The following SORCS2 variants were observed in gnomAD, a reference collection of about 807,000 sequenced individuals.
The protein encoded by SORCS2 is sortilin related VPS10 domain containing receptor 2, also known as VPS10 domain-containing receptor SorCS2.
Under a neutral mutation model 141.6 loss-of-function variants are expected in SORCS2, and 100 were observed. The observed-to-expected ratio is 0.71, with a 90% CI of 0.60 to 0.83. The LOEUF (loss-of-function observed/expected upper bound fraction) is 0.83, where lower values mean the gene tolerates loss of function less well. Among genes scored for constraint, SORCS2 ranks in the 40% least tolerant of loss-of-function variants. SORCS2 has a pLI of 0.00. For missense variants in SORCS2, 1,646 were observed against 1,560.2 expected, an observed-to-expected ratio of 1.05 and a Z score of -0.93; for synonymous variants, 789 against 676.9, an observed-to-expected ratio of 1.17 and a Z score of -2.57.
chr4:7,213,645 C>G (rs1251422501), intron 1 of SORCS2, among the ~76,000 whole-genome samples: 1 of 152,188 alleles, frequency 6.6e-6, no homozygotes, highest in Non-Finnish European at 1.5e-5. Flanking sequence ...GGGAGCCTCG[C>G]TGGGGTCTCA....
At chr4:7,507,010 C>T (rs1732312765) in intron 2 of SORCS2, among the ~76,000 whole-genome samples, 2 of 152,284 alleles carry the variant, frequency 1.3e-5, no homozygotes, top group South Asian at 2.1e-4. Context: ...GCAGCTGTCA[C>T]AGGAACCCCT....
At chr4:7,287,525 A>G (rs957019338) in intron 1 of SORCS2, among the ~76,000 whole-genome samples, 13 of 152,226 alleles carry the variant, frequency 8.5e-5, no homozygotes, top group Non-Finnish European at 1.8e-4. Context: ...AGGAGCCCCT[A>G]CTTCATGGCC....
chr4:7,326,393 T>G (rs1202266754), intron 1 of SORCS2, among the ~76,000 whole-genome samples: 6 of 152,122 alleles, frequency 3.9e-5, no homozygotes, highest in Non-Finnish European at 7.4e-5. Flanking sequence ...CTCTTGGTTG[T>G]GAGACTGCAG....
chr4:7,632,341 C>T (rs1355467141), intron 3 of SORCS2, among the ~76,000 whole-genome samples: 1 of 152,190 alleles, frequency 6.6e-6, no homozygotes, highest in South Asian at 2.1e-4. Flanking sequence ...ATATGTCTCC[C>T]CCAGAATAGT....
intron 2 of SORCS2, among the ~76,000 whole-genome samples, chr4:7,457,599 G>C (rs1264166799): frequency 2.6e-5 from 4 of 152,048 alleles, no homozygotes; most frequent in Non-Finnish European, 4.4e-5. Context: ...GTTCACACCA[G>C]GGAGTGTGCC....
intron 18 of SORCS2, among the ~76,000 whole-genome samples, chr4:7,719,117 C>T (rs555697619): frequency 3.3e-5 from 5 of 152,334 alleles, no homozygotes; most frequent in South Asian, 2.1e-4. Flanking sequence ...CTTGGCTCTC[C>T]GGTGAACAGT....
chr4:7,250,243 AAAAGAAAG>A (rs34312209), intron 1 of SORCS2, among the ~76,000 whole-genome samples: 70 of 151,174 alleles, frequency 4.6e-4, no homozygotes, highest in Admixed American at 7.2e-4. Context: ...GCTCTGTCTA[AAAAGAAAG>A]AAAGAAAGAA....
intron 3 of SORCS2, among the ~76,000 whole-genome samples, chr4:7,541,352 G>T (rs1363014289): frequency 6.6e-6 from 1 of 152,250 alleles, no homozygotes; most frequent in Non-Finnish European, 1.5e-5. Flanking sequence ...ATCATGGGAA[G>T]CCTTGCTAAC....
chr4:7,576,636 A>C (rs959106584), intron 3 of SORCS2, among the ~76,000 whole-genome samples: 1 of 152,190 alleles, frequency 6.6e-6, no homozygotes, highest in African/African-American at 2.4e-5. Context: ...GTGGTGACAG[A>C]GGGACACATG....
chr4:7,725,363 C>T, intron 20 of SORCS2, 76 bp downstream of exon 20: 1 of 1,520,866 alleles, frequency 6.6e-7, no homozygotes, highest in Non-Finnish European at 8.8e-7. Flanking sequence ...CAGAGCATGG[C>T]CCCAGGTTTT....
intron 3 of SORCS2, among the ~76,000 whole-genome samples, chr4:7,628,492 C>G (rs542429690): frequency 2.6e-4 from 38 of 145,656 alleles, no homozygotes; most frequent in Non-Finnish European, 5.2e-4. Flanking sequence ...GCACTCCAGC[C>G]TGGGCAAAAG....
intron 2 of SORCS2, among the ~76,000 whole-genome samples, chr4:7,490,272 G>A (rs55771977): frequency 1.2e-3 from 186 of 152,244 alleles, no homozygotes; most frequent in Non-Finnish European, 1.8e-3. Flanking sequence ...CTTCTGACTC[G>A]GCCTGGGGGG....
At chr4:7,301,305 T>C (rs1486112431) in intron 1 of SORCS2, among the ~76,000 whole-genome samples, 1 of 152,116 alleles carries the variant, frequency 6.6e-6, no homozygotes, top group Non-Finnish European at 1.5e-5. Context: ...ACACTGCCAC[T>C]CTCATGGAGC....
At chr4:7,584,965 T>A (rs538652834) in intron 3 of SORCS2, among the ~76,000 whole-genome samples, 34 of 152,272 alleles carry the variant, frequency 2.2e-4, no homozygotes, top group African/African-American at 7.2e-4. Context: ...GCGGGTGATG[T>A]GAATCTCTTG....
Position 7,232,755 on chromosome 4 carries a change from C to T in SORCS2, c.480+39629C>T, listed in dbSNP as rs929561188. ...TGCCCTGGGCCCCCTCAGTAGGCAG[C>T]GACACTGTGGGTCCCACTCTGTGGA... On this transcript the variant is annotated intron_variant, in intron 1 of 26. Coordinates refer to ENST00000507866, the MANE Select transcript of SORCS2 (RefSeq NM_020777.3). 5.9e-5 allele frequency among the ~76,000 whole-genome samples: 9 copies of T among 152,176 alleles called. 1 individual carries two copies. The highest frequency in any genetic ancestry group is 3.3e-4 in the Admixed American group (5 of 15,292).
At chr4:7,591,596 A>C (rs904564719) in intron 3 of SORCS2, among the ~76,000 whole-genome samples, 3 of 152,180 alleles carry the variant, frequency 2.0e-5, no homozygotes, top group Non-Finnish European at 4.4e-5. Context: ...CAGCACACTC[A>C]ACCCTGGGCA....
rs189354387 is a variant in SORCS2, at chr4:7,616,150, T to G, written c.649-22178T>G. On this transcript the variant is annotated intron_variant, in intron 3 of 26. Coordinates refer to ENST00000507866, the MANE Select transcript of SORCS2 (RefSeq NM_020777.3). ...CTGGCAGGTGGCCCTAAAGCCAGTA[T>G]AGCTGGAATCATCTCCCTGAGCCCT... Among the ~76,000 whole-genome samples, 294 of 152,282 alleles carry G rather than the reference T, an allele frequency of 1.9e-3. 2 individuals are homozygous for G. The highest frequency in any genetic ancestry group is 3.7e-3 in the Non-Finnish European group (253 of 68,020).
At chr4:7,462,204 C>T (rs918074593) in intron 2 of SORCS2, among the ~76,000 whole-genome samples, 6 of 152,182 alleles carry the variant, frequency 3.9e-5, no homozygotes, top group Non-Finnish European at 7.4e-5. Flanking sequence ...CGCCAGCTCT[C>T]CTGCCCGGTG....
chr4:7,361,253 C>T (rs890514896), intron 1 of SORCS2, among the ~76,000 whole-genome samples: 9 of 152,194 alleles, frequency 5.9e-5, no homozygotes, highest in African/African-American at 2.2e-4. Context: ...GTATGAGACT[C>T]CTCGTGGAAA....
Sources: gnomAD v4.1 joint callset for allele counts (sites outside exome capture counted in the v4.1 genomes callset) on GRCh38, gnomAD v4.1.1 for gene constraint, MANE v1.5 for transcripts, NCBI Gene and HGNC (gene_info 2026-07-23, HGNC 2026-07-21) for gene names.